The following FBXL14 variants were observed in gnomAD, a reference collection of about 807,000 sequenced individuals.
FBXL14 encodes the protein F-box/LRR-repeat protein 14.
A neutral mutation model predicts 24.5 loss-of-function variants in FBXL14; 11 were observed. The observed-to-expected ratio is 0.45, with a 90% confidence interval of 0.28 to 0.74. The LOEUF (loss-of-function observed/expected upper bound fraction) is 0.74, where lower values mean the gene tolerates loss of function less well. FBXL14 is among the 30% of genes least tolerant of loss of function. The pLI, the probability that FBXL14 is intolerant of heterozygous loss-of-function variation, is 0.12. For missense variants in FBXL14, 384 were observed against 545.6 expected, an observed-to-expected ratio of 0.70 and a Z score of 2.95; for synonymous variants, 294 against 240.4, an observed-to-expected ratio of 1.22 and a Z score of -2.06.
chr12:1,582,318 C>G (rs151304200), intron 1 of FBXL14, among the ~76,000 whole-genome samples: 21 of 152,212 alleles, frequency 1.4e-4, no homozygotes, highest in African/African-American at 5.1e-4. Context: ...CAAGGAGCAG[C>G]CCTCCCAGTT....
intron 1 of FBXL14, among the ~76,000 whole-genome samples, chr12:1,582,766 C>T (rs1279839802): frequency 6.6e-6 from 1 of 152,152 alleles, no homozygotes; most frequent in Non-Finnish European, 1.5e-5. Flanking sequence ...GAAGCATCTG[C>T]AGGGGATAAC....
intron 1 of FBXL14, among the ~76,000 whole-genome samples, chr12:1,592,177 C>A: frequency 7.0e-6 from 1 of 143,742 alleles, no homozygotes; most frequent in African/African-American, 2.6e-5. Context: ...ACGAGGTAGC[C>A]AGACATATAT....
rs1202815279 is a variant in FBXL14, at chr12:1,579,824, C to G, written c.1195-13014G>C. Among the ~76,000 whole-genome samples, 1 of 152,088 alleles carries G rather than the reference C, an allele frequency of 6.6e-6. No individual in the cohort carries two copies. Among genetic ancestry groups the G allele is most frequent in the Non-Finnish European group, 1.5e-5 (1 of 68,022 alleles). ...TTTTACTGGGTATTTGCATACATCA[C>G]TAACCAGCTGGGATTAGAATGAGCA... On this transcript the variant is annotated intron_variant, in intron 1 of 1. Transcript: ENST00000339235. The surrounding 1 kb of genome is among the most constrained non-coding windows in gnomAD (Gnocchi z 4.3).
chr12:1,589,466 CAGGAAGACA>C, intron 1 of FBXL14, among the ~76,000 whole-genome samples: 1 of 57,496 alleles, frequency 1.7e-5, no homozygotes, highest in African/African-American at 8.8e-5. Flanking sequence ...GACAGGAAGG[CAGGAAGACA>C]GGAAGGAAGG....
At chr12:1,584,253 A>G (rs2094472353) in intron 1 of FBXL14, among the ~76,000 whole-genome samples, 1 of 152,138 alleles carries the variant, frequency 6.6e-6, no homozygotes, top group Admixed American at 6.6e-5. Flanking sequence ...CGGGAGGCTG[A>G]GGTGGGAGGA....
At position 1,572,623 on chromosome 12, in the gene FBXL14, G is replaced by A. The variant is rs533274166; in HGVS notation, c.1195-5813C>T. On this transcript the variant is annotated intron_variant, in intron 1 of 1. Coordinates refer to ENST00000339235, the MANE Select transcript of FBXL14 (RefSeq NM_152441.3). ...TTCAGTCCTGACGCACATACAGGTC[G>A]GGGAAGCGGGGGGGCAGTGGAGAGG... Among the ~76,000 whole-genome samples, 107 of 78,970 alleles carry A rather than the reference G, an allele frequency of 1.4e-3. 1 individual carries two copies. Among genetic ancestry groups the A allele is most frequent in the African/African-American group, 3.5e-3 (103 of 29,602 alleles). The allele number at this position is 78,970 out of a possible 152,430, so 51.8% of individuals were successfully genotyped here.
At chr12:1,586,936 G>A (rs1389830772) in intron 1 of FBXL14, among the ~76,000 whole-genome samples, 1 of 152,186 alleles carries the variant, frequency 6.6e-6, no homozygotes, top group Non-Finnish European at 1.5e-5. Context: ...TAAAGCATTT[G>A]TTCCTTAAAC....
chr12:1,574,439 A>T (rs897767743), intron 1 of FBXL14, among the ~76,000 whole-genome samples: 3 of 8,164 alleles, frequency 3.7e-4, no homozygotes, highest in African/African-American at 9.7e-4. Context: ...GCCTGGGGTG[A>T]GGGGAGGCTG....
chr12:1,592,372 A>C (rs1038408962), intron 1 of FBXL14, among the ~76,000 whole-genome samples: 4 of 152,042 alleles, frequency 2.6e-5, no homozygotes, highest in Non-Finnish European at 5.9e-5. Flanking sequence ...AGAGACTGGG[A>C]TTAGTTACAA....
chr12:1,568,232 A>T (rs2094439495), intron 1 of FBXL14, among the ~76,000 whole-genome samples: 1 of 152,248 alleles, frequency 6.6e-6, no homozygotes. Flanking sequence ...CTCAGAAACC[A>T]GGTGAGCAAG....
chr12:1,591,225 C>T (rs568833485), intron 1 of FBXL14, among the ~76,000 whole-genome samples: 1 of 152,120 alleles, frequency 6.6e-6, no homozygotes, highest in Non-Finnish European at 1.5e-5. Context: ...TTGACTCACC[C>T]CCACATAGGA....
Position 1,593,530 on chromosome 12 carries a change from G to A in FBXL14, c.537C>T (p.Cys179=), listed in dbSNP as rs2094495221. Reference sequence around the variant, plus strand: ...CGATGCCCACATCCGAAAGGTGGCGGCAGCTGCGGAGGTTAAGGCTCTTGA... The same window carrying A: ...CGATGCCCACATCCGAAAGGTGGCGACAGCTGCGGAGGTTAAGGCTCTTGA... The part of the protein sequence containing the change: ...QRLKSLNLRS[C]RHLSDVGIGH... Residue 179 remains cysteine, a synonymous_variant, in exon 1 of 2, where the codon TGC becomes TGT. Transcript: ENST00000339235. The surrounding 1 kb of genome is among the most constrained non-coding windows in gnomAD (Gnocchi z 7.4). 1 of 1,613,902 alleles carries A rather than the reference G, an allele frequency of 6.2e-7. No homozygotes were observed.
At chr12:1,589,130 G>C (rs2094483020) in intron 1 of FBXL14, among the ~76,000 whole-genome samples, 1 of 150,178 alleles carries the variant, frequency 6.7e-6, no homozygotes, top group Non-Finnish European at 1.5e-5. Flanking sequence ...GCTCACGCCT[G>C]TAATCCCAGG....
Position 1,572,743 on chromosome 12 carries a change from C to T in FBXL14, c.1195-5933G>A, listed in dbSNP as rs191241114. ...GAAGGAGCCCACTGGAGATTGTGAC[C>T]GGGAAGTGATAGAATCAGATTTGTA... On this transcript the variant is annotated intron_variant, in intron 1 of 1. Coordinates refer to ENST00000339235, the MANE Select transcript of FBXL14 (RefSeq NM_152441.3). Among the ~76,000 whole-genome samples the T allele has an allele frequency of 1.7e-3, 262 of 152,186 alleles. 1 individual carries two copies. The highest frequency in any genetic ancestry group is 6.0e-3 in the African/African-American group (251 of 41,530).
intron 1 of FBXL14, among the ~76,000 whole-genome samples, chr12:1,585,962 A>G (rs1217753497): frequency 6.6e-6 from 1 of 152,230 alleles, no homozygotes; most frequent in Non-Finnish European, 1.5e-5. Context: ...AGTATTCTGC[A>G]TTACTATGTG....
chr12:1,570,815 G>A (rs535804734), intron 1 of FBXL14, among the ~76,000 whole-genome samples: 2 of 151,840 alleles, frequency 1.3e-5, no homozygotes, highest in East Asian at 1.9e-4. Flanking sequence ...AATTCTCCTC[G>A]GCCTCTCTTG....
chr12:1,592,785 A>AGTGTGC, intron 1 of FBXL14, 88 bp downstream of exon 1: 1 of 1,132,670 alleles, frequency 8.8e-7, no homozygotes, highest in South Asian at 1.5e-5. Context: ...TCTGTGCGTA[A>AGTGTGC]GTGTGCGTGT....
At chr12:1,568,327 T>G (rs578190851) in intron 1 of FBXL14, among the ~76,000 whole-genome samples, 1 of 152,004 alleles carries the variant, frequency 6.6e-6, no homozygotes, top group East Asian at 1.9e-4. Flanking sequence ...CCTTTAAAAG[T>G]AAAGGAGAAT....
chr12:1,591,616 A>G (rs2154438385), intron 1 of FBXL14, among the ~76,000 whole-genome samples: 1 of 152,336 alleles, frequency 6.6e-6, no homozygotes, highest in South Asian at 2.1e-4. Context: ...CTTTAAAGCC[A>G]CAAGTCCCAA....
Sources: allele counts gnomAD v4.1 joint callset (sites outside exome capture counted in the v4.1 genomes callset), GRCh38; gene constraint gnomAD v4.1.1; non-coding constraint Gnocchi (gnomAD v3.1); transcripts MANE v1.5; gene names NCBI Gene and HGNC (gene_info 2026-07-23, HGNC 2026-07-21).